Variants in SLC25A13 observed in about 807,000 individuals in gnomAD.
The protein encoded by SLC25A13 is electrogenic aspartate/glutamate antiporter SLC25A13, mitochondrial.
SLC25A13 carries 70 observed loss-of-function variants against 85.5 expected under a neutral mutation model. The observed-to-expected ratio is 0.82, with a 90% CI of 0.68 to 1.00. The LOEUF is 1.00. Among genes scored for constraint, SLC25A13 ranks in the 50% least tolerant of loss-of-function variants. The probability of loss-of-function intolerance (pLI) is 0.00; values close to 1 mark genes in which losing one functional copy is unlikely to be tolerated. For synonymous variants in SLC25A13, 259 were observed against 288.7 expected (o/e 0.90, Z 1.04); for missense variants, 765 against 819.8 (o/e 0.93, Z 0.82).
chr7:96,208,871 G>C lies in SLC25A13; in HGVS notation c.435C>G (p.His145Gln), dbSNP rs1283437336. Reference protein sequence around the residue: ...QLHFGKERKRHLTYAEFTQFL... With the variant: ...QLHFGKERKRQLTYAEFTQFL... ...ACTGAGTAAATTCCGCATATGTCAG[G>C]TGTCTTTTTCTTTCTTTTCCAAAAT... The change falls in exon 5 of 18, where the codon CAC becomes CAG. Residue 145 changes from histidine to glutamine, a missense_variant. Transcript: ENST00000265631. The C allele has an allele frequency of 6.8e-6, 11 of 1,613,946 alleles. No individual in the cohort carries two copies.
intron 1 of SLC25A13, among the ~76,000 whole-genome samples, chr7:96,321,484 C>T (rs936252670): frequency 1.3e-5 from 2 of 152,178 alleles, no homozygotes; most frequent in Non-Finnish European, 2.9e-5. Context: ...AGGGCGGAGC[C>T]CTTGAAACGT....
At chr7:96,224,125 C>A (rs1796242892) in intron 4 of SLC25A13, among the ~76,000 whole-genome samples, 1 of 152,166 alleles carries the variant, frequency 6.6e-6, no homozygotes, top group Non-Finnish European at 1.5e-5. Context: ...TGCTCACACA[C>A]CAGGTAAGTC....
chr7:96,180,581 G>A (rs1794383745), intron 11 of SLC25A13, among the ~76,000 whole-genome samples: 1 of 152,128 alleles, frequency 6.6e-6, no homozygotes, highest in Admixed American at 6.5e-5. Flanking sequence ...CACCCGCCTC[G>A]GTCTCCCAAA....
chr7:96,202,828 A>G (rs896352929), intron 5 of SLC25A13, among the ~76,000 whole-genome samples: 8 of 152,056 alleles, frequency 5.3e-5, no homozygotes, highest in Admixed American at 6.6e-5. Context: ...CCCTATTTCA[A>G]TGAAACACCA....
chr7:96,170,444 T>C (rs1249080459), intron 12 of SLC25A13, among the ~76,000 whole-genome samples: 2 of 152,160 alleles, frequency 1.3e-5, no homozygotes, highest in African/African-American at 4.8e-5. Context: ...AATAAAAACA[T>C]ACATCTTACA....
intron 3 of SLC25A13, among the ~76,000 whole-genome samples, chr7:96,253,495 C>A (rs1226726616): frequency 2.0e-4 from 30 of 152,116 alleles, no homozygotes. Context: ...GTCTAAGATC[C>A]CACAGATTTT....
At chr7:96,229,581 C>A (rs112231294) in intron 4 of SLC25A13, among the ~76,000 whole-genome samples, 12,620 of 152,152 alleles carry the variant, frequency 0.083, 724 homozygotes, top group South Asian at 0.15. Context: ...GTCCGCATTG[C>A]CTTTATGAGC....
chr7:96,254,033 A>ATGTC (rs764157473), intron 3 of SLC25A13, among the ~76,000 whole-genome samples: 8 of 152,092 alleles, frequency 5.3e-5, no homozygotes, highest in South Asian at 2.1e-4. Context: ...GTGTGTGCGC[A>ATGTC]TGTCTGTCTG....
At chr7:96,316,647 C>T (rs193279089) in intron 1 of SLC25A13, among the ~76,000 whole-genome samples, 49 of 152,238 alleles carry the variant, frequency 3.2e-4, no homozygotes, top group Admixed American at 2.8e-3. Context: ...AGTTTTCTCA[C>T]CTGTAAGTTG....
rs1373966111 is a variant in SLC25A13, at chr7:96,306,784, T to G, written c.16-9833A>C. The G allele has an allele frequency of 4.8e-6, 6 of 1,245,284 alleles. No individual in the cohort carries two copies. In the East Asian group the frequency reaches 1.4e-4, roughly 29 times the overall value. 77.1% of individuals were successfully genotyped at this position (1,245,284 alleles called of 1,614,324 possible). A position where few individuals can be genotyped will look rare whatever the true frequency, so the allele number is the denominator to read the frequency against. ...GTTCTTTTTGCCCTCTGATACCTCCTAGTGCCCTATCATCTCTACCCCCAG... is the reference window on the plus strand; with the variant it reads ...GTTCTTTTTGCCCTCTGATACCTCCGAGTGCCCTATCATCTCTACCCCCAG... On this transcript the variant is annotated intron_variant, in intron 1 of 17. Coordinates refer to ENST00000265631, the MANE Select transcript of SLC25A13 (RefSeq NM_014251.3).
intron 14 of SLC25A13, among the ~76,000 whole-genome samples, chr7:96,133,865 G>A (rs952732445): frequency 6.6e-6 from 1 of 151,816 alleles, no homozygotes; most frequent in African/African-American, 2.4e-5. Flanking sequence ...AGGTTGTAGT[G>A]AGCTGAGATC....
intron 1 of SLC25A13, 106 bp downstream of exon 1, chr7:96,321,836 T>G: frequency 7.3e-7 from 1 of 1,369,838 alleles, no homozygotes; most frequent in Non-Finnish European, 9.6e-7. Context: ...GGCACCCCAT[T>G]TTGCTCCGCC....
At chr7:96,184,188 G>T in intron 11 of SLC25A13, 89 bp downstream of exon 11, 1 of 1,478,272 alleles carries the variant, frequency 6.8e-7, no homozygotes, top group Non-Finnish European at 9.5e-7. Context: ...TTTTAACGCA[G>T]TCTTGCTAAT....
At chr7:96,272,011 G>A (rs191628903) in intron 3 of SLC25A13, among the ~76,000 whole-genome samples, 37 of 152,028 alleles carry the variant, frequency 2.4e-4, no homozygotes, top group African/African-American at 8.0e-4. Flanking sequence ...TCAGCCTCCC[G>A]AGTAGCTAGG....
chr7:96,160,552 T>C (rs1793467247), intron 13 of SLC25A13, among the ~76,000 whole-genome samples: 1 of 152,310 alleles, frequency 6.6e-6, no homozygotes, highest in Admixed American at 6.5e-5. Context: ...ACAGATGCTG[T>C]CTTCTCACTG....
intron 3 of SLC25A13, among the ~76,000 whole-genome samples, chr7:96,271,157 T>A (rs1798225010): frequency 6.6e-6 from 1 of 152,232 alleles, no homozygotes; most frequent in African/African-American, 2.4e-5. Context: ...GTGGCCATTA[T>A]TCAGCCTGTT....
At chr7:96,196,267 C>G (rs995519009) in intron 5 of SLC25A13, among the ~76,000 whole-genome samples, 3 of 152,136 alleles carry the variant, frequency 2.0e-5, no homozygotes, top group African/African-American at 7.2e-5. Context: ...ATTACCAGAC[C>G]CATTGCTAAA....
At chr7:96,199,694 A>G (rs1301545840) in intron 5 of SLC25A13, among the ~76,000 whole-genome samples, 2 of 152,178 alleles carry the variant, frequency 1.3e-5, no homozygotes, top group East Asian at 3.9e-4. Context: ...ATTCTGGTGC[A>G]TGATGATTAA....
intron 4 of SLC25A13, among the ~76,000 whole-genome samples, chr7:96,213,769 T>A (rs4317505): frequency 0.99 from 150,058 of 152,314 alleles, 73,958 homozygotes; most frequent in East Asian, 1. Context: ...ACAAGGCTTA[T>A]ACTCTTTTCC....
Sources: allele counts gnomAD v4.1 joint callset (sites outside exome capture counted in the v4.1 genomes callset), GRCh38; gene constraint gnomAD v4.1.1; transcripts MANE v1.5; gene names NCBI Gene and HGNC (gene_info 2026-07-23, HGNC 2026-07-21).